Variants in PDS5B observed in about 807,000 individuals in gnomAD.
PDS5B encodes the protein sister chromatid cohesion protein PDS5 homolog B.
A neutral mutation model predicts 184.1 loss-of-function variants in PDS5B; 51 were observed. The ratio of observed to expected loss-of-function variants is 0.28; its 90% CI spans 0.22 to 0.35. The LOEUF (loss-of-function observed/expected upper bound fraction) is 0.35. Among genes scored for constraint, PDS5B ranks in the 10% least tolerant of loss-of-function variants. PDS5B has a pLI of 1.00. For missense variants in PDS5B, 1,180 were observed against 1,723.3 expected (o/e 0.68, Z 5.58); for synonymous variants, 566 against 569.2 (o/e 0.99, Z 0.08).
rs1167762451 is a variant in PDS5B, at chr13:32,675,864, C to T, written c.867C>T (p.Arg289=). ...FKLKSNDNEE[R]LQVVKLLAKM... ...TTTAGAGCAATGATAATGAGGAGCG[C>T]CTACAAGTTGTTAAACTACTGGCAA... Residue 289 remains arginine, a synonymous_variant, in exon 9 of 35, where the codon CGC becomes CGT. Transcript: ENST00000315596. The T allele has an allele frequency of 6.2e-7, 1 of 1,610,352 alleles. No individual in the cohort carries two copies. The highest frequency in any genetic ancestry group is 2.2e-5 in the East Asian group (1 of 44,830).
Position 32,683,914 on chromosome 13 carries a change from C to T in PDS5B, c.1094C>T (p.Ala365Val), listed in dbSNP as rs1392991781. Residue 365 changes from alanine (A) to valine (V), a missense_variant, in exon 11 of 35, where the codon GCT (alanine) becomes GTT (valine). By Grantham distance (64) the Ala-to-Val change is moderately conservative (BLOSUM62 0). Transcript: ENST00000315596. ...GTGAGGTCACATGACCCTGAGGAAG[C>T]TATTAGACATGATGTTATTGTGTCA... ...LKVRSHDPEEAIRHDVIVSIV... is the reference protein window; with the variant it reads ...LKVRSHDPEEVIRHDVIVSIV... 1 of 1,599,890 alleles carries T rather than the reference C, an allele frequency of 6.3e-7. No homozygotes were observed. The highest frequency in any genetic ancestry group is 8.6e-7 in the Non-Finnish European group (1 of 1,168,324).
chr13:32,668,081 T>TAG (rs1555299018), intron 7 of PDS5B, among the ~76,000 whole-genome samples: 3 of 152,186 alleles, frequency 2.0e-5, no homozygotes, highest in Non-Finnish European at 4.4e-5. Flanking sequence ...CCTGAGAACT[T>TAG]AAACAGTTTT....
intron 8 of PDS5B, among the ~76,000 whole-genome samples, chr13:32,674,936 T>A (rs1951026906): frequency 6.6e-6 from 1 of 151,258 alleles, no homozygotes; most frequent in Non-Finnish European, 1.5e-5. Context: ...TTTTTTTTTG[T>A]TCTTCTTATT....
At chr13:32,673,462 G>A (rs1423883846) in intron 8 of PDS5B, 106 bp downstream of exon 8, 4 of 897,956 alleles carry the variant, frequency 4.5e-6, no homozygotes, top group South Asian at 1.7e-5. Context: ...TAAGAGATGA[G>A]GGGGAAGTAT....
intron 24 of PDS5B, 102 bp downstream of exon 24, chr13:32,746,202 G>T: frequency 2.0e-6 from 2 of 1,009,638 alleles, no homozygotes; most frequent in East Asian, 4.9e-5. Flanking sequence ...AATGTGTATG[G>T]TTTGTTTGTT....
intron 19 of PDS5B, among the ~76,000 whole-genome samples, chr13:32,729,910 G>GAT (rs1953048196): frequency 6.6e-6 from 1 of 152,112 alleles, no homozygotes; most frequent in African/African-American, 2.4e-5. Context: ...TCACTCTGAT[G>GAT]ATAAGTTTCT....
intron 26 of PDS5B, among the ~76,000 whole-genome samples, chr13:32,757,470 C>T (rs1361763290): frequency 4.0e-5 from 6 of 151,632 alleles, no homozygotes; most frequent in Admixed American, 2.6e-4. Flanking sequence ...TAACTTTGTT[C>T]CTTTCTGTCT....
chr13:32,765,176 C>G (rs1005678389), intron 31 of PDS5B, among the ~76,000 whole-genome samples: 1 of 152,196 alleles, frequency 6.6e-6, no homozygotes, highest in African/African-American at 2.4e-5. Flanking sequence ...GTTATGTCTT[C>G]TAACACAACT....
chr13:32,751,576 G>A (rs113913507), intron 24 of PDS5B, among the ~76,000 whole-genome samples: 1,575 of 152,194 alleles, frequency 0.01, 39 homozygotes, highest in African/African-American at 0.036. Flanking sequence ...ATGGTATCTC[G>A]TGGTTTTGAT....
chr13:32,641,143 A>T (rs190050262), intron 1 of PDS5B, among the ~76,000 whole-genome samples: 1 of 151,542 alleles, frequency 6.6e-6, no homozygotes, highest in Non-Finnish European at 1.5e-5. Context: ...TTATATGACT[A>T]TTTTCTAAGT....
intron 1 of PDS5B, among the ~76,000 whole-genome samples, chr13:32,637,961 T>C (rs2058590504): frequency 6.6e-6 from 1 of 152,190 alleles, no homozygotes; most frequent in African/African-American, 2.4e-5. Context: ...GGGTTTGGCT[T>C]ATCTGGGTGG....
At position 32,758,148 on chromosome 13, in the gene PDS5B, A is replaced by C; in HGVS notation, c.3118A>C (p.Ile1040Leu). 2 of 1,543,950 alleles carry C rather than the reference A, an allele frequency of 1.3e-6. No individual in the cohort carries two copies. The highest frequency in any genetic ancestry group is 1.8e-6 in the Non-Finnish European group (2 of 1,131,370). ...AKNENNSHAF[I>L]RKMVENIKQT... Reference sequence around the variant, plus strand: ...AAATGAAAATAACAGTCACGCTTTTATCAGAAAGATGGTAGAAAATATTAA... The same window carrying C: ...AAATGAAAATAACAGTCACGCTTTTCTCAGAAAGATGGTAGAAAATATTAA... Residue 1040 changes from isoleucine to leucine, a missense_variant, in exon 27 of 35, where the codon ATC (isoleucine) becomes CTC (leucine). Around this residue, in one of 11 missense-constraint regions of PDS5B, gnomAD observed 465 missense variants for 497.8 expected, o/e 0.93. Coordinates refer to ENST00000315596, the MANE Select transcript of PDS5B (RefSeq NM_015032.4).
chr13:32,752,029 G>T (rs530264651), intron 24 of PDS5B, among the ~76,000 whole-genome samples: 5 of 151,836 alleles, frequency 3.3e-5, no homozygotes, highest in African/African-American at 1.2e-4. Flanking sequence ...TGTTACAATA[G>T]TAAGAAACAC....
At chr13:32,716,037 G>C (rs2140907478) in intron 19 of PDS5B, among the ~76,000 whole-genome samples, 1 of 96,562 alleles carries the variant, frequency 1.0e-5, no homozygotes. Flanking sequence ...CGCCTGCCTT[G>C]GCCTCCCAAA....
intron 19 of PDS5B, among the ~76,000 whole-genome samples, chr13:32,717,720 T>TAAAAAAAAA (rs1220035606): frequency 7.9e-6 from 1 of 126,692 alleles, no homozygotes; most frequent in African/African-American, 3.0e-5. Context: ...ATCAATAAAT[T>TAAAAAAAAA]AAAAAAAAAA....
At chr13:32,707,603 G>GTTTT (rs967793383) in intron 18 of PDS5B, among the ~76,000 whole-genome samples, 1 of 122,500 alleles carries the variant, frequency 8.2e-6, no homozygotes, top group Non-Finnish European at 1.7e-5. Context: ...TTTTTCAAGA[G>GTTTT]TTTTTTTTTT....
chr13:32,607,545 A>G (rs1423183566), intron 1 of PDS5B, among the ~76,000 whole-genome samples: 1 of 152,106 alleles, frequency 6.6e-6, no homozygotes, highest in East Asian at 1.9e-4. Flanking sequence ...CATTCTCAGA[A>G]CTCAAACTCT....
chr13:32,770,505 A>G lies in PDS5B; in HGVS notation c.4009A>G (p.Thr1337Ala). 1.2e-6 allele frequency: 2 copies of G among 1,611,362 alleles called. No individual in the cohort carries two copies. The highest frequency in any genetic ancestry group is 1.7e-6 in the Non-Finnish European group (2 of 1,179,442). ...AGAAGAAGAAAGACAAAGTGGAAAT[A>G]CGGAACAGAAGTCCAAAAGCAAACA... is the stretch of plus-strand genomic sequence containing the variant. Reference protein sequence around the residue: ...EEEEERQSGNTEQKSKSKQHR... With the variant: ...EEEEERQSGNAEQKSKSKQHR... Residue 1337 changes from threonine to alanine, a missense_variant, in exon 32 of 35, where the codon ACG (threonine) becomes GCG (alanine). Physicochemically the swap from Thr to Ala is moderately conservative, Grantham distance 58. Transcript: ENST00000315596.
At position 32,735,663 on chromosome 13, in the gene PDS5B, T is replaced by G. The variant is rs932937296; in HGVS notation, c.2406+333T>G. Reference sequence around the variant, plus strand: ...CAGATTGGTAAACCAGCTCATAGTATGGTTGTCATGATTATAGTTTTACCT... The same window carrying G: ...CAGATTGGTAAACCAGCTCATAGTAGGGTTGTCATGATTATAGTTTTACCT... On this transcript the variant is annotated intron_variant, in intron 21 of 34. Transcript: ENST00000315596. Among the ~76,000 whole-genome samples the G allele has an allele frequency of 5.3e-5, 8 of 152,314 alleles. No homozygotes were observed. The East Asian group carries it at 1.5e-3, about 29-fold the overall frequency.
Sources: allele counts gnomAD v4.1 joint callset (sites outside exome capture counted in the v4.1 genomes callset), GRCh38; gene constraint gnomAD v4.1.1; regional missense constraint gnomAD v4.1.1; transcripts MANE v1.5; gene names NCBI Gene and HGNC (gene_info 2026-07-23, HGNC 2026-07-21).